Variants in CORO1B observed in about 807,000 individuals in gnomAD.
CORO1B encodes the protein coronin-1B.
In CORO1B, 30 loss-of-function variants were observed where a neutral mutation model predicts 51.1. The observed-to-expected ratio is 0.59, with a 90% CI of 0.44 to 0.80. The LOEUF is 0.80. Ranked by LOEUF, CORO1B falls within the 30% of genes least tolerant of loss-of-function variation. The pLI, the probability that CORO1B is intolerant of heterozygous loss-of-function variation, is 0.00. For synonymous variants in CORO1B, 310 were observed against 289.7 expected, an observed-to-expected ratio of 1.07 and a Z score of -0.71; for missense variants, 648 against 700.4, an observed-to-expected ratio of 0.93 and a Z score of 0.84.
chr11:67,442,116 G>A (rs745881144), intron 2 of CORO1B, 28 bp from the exon 3 acceptor site: 10 of 1,602,396 alleles, frequency 6.2e-6, no homozygotes, highest in Non-Finnish European at 8.5e-6. Flanking sequence ...CAGTCAGTGG[G>A]CTCCATCCCT....
chr11:67,439,993 G>C, intron 8 of CORO1B, 125 bp downstream of exon 8: 1 of 1,480,160 alleles, frequency 6.8e-7, no homozygotes, highest in Non-Finnish European at 9.1e-7. Context: ...GGGCTGCCTC[G>C]TGACAGTTCT....
Position 67,436,125 on chromosome 11 carries a change from G to GTAGTA in CORO1B, c.*2250_*2251insTACTA, listed in dbSNP as rs1864267815. The GTAGTA allele has an allele frequency of 3.1e-6, 5 of 1,593,280 alleles. No individual in the cohort carries two copies. The highest frequency in any genetic ancestry group is 4.3e-6 in the Non-Finnish European group (5 of 1,169,808). ...CTGGCCCAGAGCAGGCGCCGCGTGCGGCCCCACAGCGCGGCACCTAGGCGG... is the reference window on the plus strand; with the variant it reads ...CTGGCCCAGAGCAGGCGCCGCGTGCGTAGTAGCCCCACAGCGCGGCACCTAGGCGG... On this transcript the variant is annotated 3_prime_UTR_variant, in exon 11 of 11. Transcript: ENST00000341356.
chr11:67,443,592 G>A, upstream of CORO1B: 1 of 704,408 alleles, frequency 1.4e-6, no homozygotes, highest in Non-Finnish European at 1.7e-6. Flanking sequence ...GCGGCGCCGG[G>A]GGGCCGGGAG....
chr11:67,439,992 C>T (rs1315576206), intron 8 of CORO1B, 126 bp downstream of exon 8: 34 of 1,477,080 alleles, frequency 2.3e-5, no homozygotes, highest in Admixed American at 3.9e-5. Context: ...CGGGCTGCCT[C>T]GTGACAGTTC....
chr11:67,435,890 G>C lies in CORO1B; in HGVS notation c.*2486C>G. ...GGAGCCGAGGACCAGGTCGCCCTCC[G>C]TGTCACTGTCTCTGGCTTCCTCAGC... On this transcript the variant is annotated 3_prime_UTR_variant, in exon 11 of 11. Coordinates refer to ENST00000341356, the MANE Select transcript of CORO1B (RefSeq NM_020441.3). 1 of 1,612,112 alleles carries C rather than the reference G, an allele frequency of 6.2e-7. No homozygotes were observed. Among genetic ancestry groups the C allele is most frequent in the Non-Finnish European group, 8.5e-7 (1 of 1,179,596 alleles).
intron 8 of CORO1B, 40 bp from the exon 9 acceptor site, chr11:67,439,883 G>GCCCCCC: frequency 2.0e-6 from 3 of 1,509,418 alleles, no homozygotes; most frequent in Non-Finnish European, 1.8e-6. Context: ...AACCCTCACC[G>GCCCCCC]CCCCCCCCAC....
Position 67,437,698 on chromosome 11 carries a change from C to T in CORO1B, c.*678G>A. On this transcript the variant is annotated 3_prime_UTR_variant, in exon 11 of 11. Transcript: ENST00000341356. ...AGCGAGAAGTGAGCTCAGTGCTCGTCTGCAGTGAAGGGTGGCCCAGGCTTC... is the reference window on the plus strand; with the variant it reads ...AGCGAGAAGTGAGCTCAGTGCTCGTTTGCAGTGAAGGGTGGCCCAGGCTTC... 1 of 1,322,552 alleles carries T rather than the reference C, an allele frequency of 7.6e-7. No individual in the cohort carries two copies. The highest frequency in any genetic ancestry group is 3.0e-5 in the Admixed American group (1 of 32,860). The allele number at this position is 1,322,552 out of a possible 1,614,324, so 81.9% of individuals were successfully genotyped here. A position where few individuals can be genotyped will look rare whatever the true frequency, so the allele number is the denominator to read the frequency against.
rs900380958 is a variant in CORO1B at position 67,437,883 on chromosome 11, C to G, written c.*493G>C. On this transcript the variant is annotated 3_prime_UTR_variant, in exon 11 of 11. Transcript: ENST00000341356. ...AGCTGGATGCAGCCTTGCATGTGTT[C>G]TCAGGTCTTCTGCCTCAGTTTCCCT... 2.6e-6 allele frequency: 1 copy of G among 389,570 alleles called. No individual in the cohort carries two copies. Among genetic ancestry groups the G allele is most frequent in the Non-Finnish European group, 4.5e-6 (1 of 220,528 alleles). 24.1% of individuals were successfully genotyped at this position (389,570 alleles called of 1,614,324 possible). A position where few individuals can be genotyped will look rare whatever the true frequency, so the allele number is the denominator to read the frequency against.
chr11:67,436,384 G>T lies in CORO1B; in HGVS notation c.*1992C>A. The T allele has an allele frequency of 7.0e-7, 1 of 1,430,788 alleles. No homozygotes were observed. 88.6% of individuals were successfully genotyped at this position (1,430,788 alleles called of 1,614,324 possible). On this transcript the variant is annotated 3_prime_UTR_variant, in exon 11 of 11. Transcript: ENST00000341356. The stretch of plus-strand genomic sequence containing the variant: ...GACAGGCAGGGGCTCAGAGGGCTCA[G>T]CACCTGGGGTGGGGCCTGGTGTGGG...
chr11:67,443,698 G>T (rs1285313822), upstream of CORO1B: 3 of 981,500 alleles, frequency 3.1e-6, no homozygotes, highest in African/African-American at 5.2e-5. Context: ...GGCGGGGCGG[G>T]GCAGGGCCGA....
At chr11:67,440,910 A>C in intron 6 of CORO1B, 1 of 691,076 alleles carries the variant, frequency 1.4e-6, no homozygotes, top group Non-Finnish European at 2.5e-6. Context: ...AACATGGGCA[A>C]AGACACAGAG....
At chr11:67,440,059 T>C (rs1864364971) in intron 8 of CORO1B, 59 bp downstream of exon 8, 4 of 1,553,522 alleles carry the variant, frequency 2.6e-6, no homozygotes, top group African/African-American at 2.7e-5. Context: ...CAGCCTCCAA[T>C]GACCTGACCT....
At chr11:67,442,741 C>T in intron 1 of CORO1B, 111 bp from the exon 2 acceptor site, 2 of 1,070,400 alleles carry the variant, frequency 1.9e-6, no homozygotes, top group Non-Finnish European at 2.7e-6. Flanking sequence ...GCCACCGTAA[C>T]CCTCCTGGGT....
At position 67,437,353 on chromosome 11, in the gene CORO1B, C is replaced by G. The variant is rs370362190; in HGVS notation, c.*1023G>C. On this transcript the variant is annotated 3_prime_UTR_variant, in exon 11 of 11. Coordinates refer to ENST00000341356, the MANE Select transcript of CORO1B (RefSeq NM_020441.3). ...CGCCCAGGCTCCAGGAATGCAAGTT[C>G]CCGCTCACAGGAAGACCAGGTAAGG... The G allele has an allele frequency of 6.7e-5, 26 of 387,472 alleles. No individual in the cohort carries two copies. Among genetic ancestry groups the G allele is most frequent in the East Asian group, 5.2e-4 (14 of 26,866 alleles). The allele number at this position is 387,472 out of a possible 1,614,324, so 24.0% of individuals were successfully genotyped here. A position where few individuals can be genotyped will look rare whatever the true frequency, so the allele number is the denominator to read the frequency against.
intron 2 of CORO1B, 111 bp from the exon 3 acceptor site, chr11:67,442,199 T>A: frequency 6.5e-7 from 1 of 1,528,788 alleles, no homozygotes; most frequent in African/African-American, 1.4e-5. Flanking sequence ...GGCCCAGATG[T>A]GACTGTGCCC....
Position 67,436,099 on chromosome 11 carries a change from G to T in CORO1B, c.*2277C>A. 1 of 1,609,402 alleles carries T rather than the reference G, an allele frequency of 6.2e-7. No individual in the cohort carries two copies. Among genetic ancestry groups the T allele is most frequent in the Non-Finnish European group, 8.5e-7 (1 of 1,178,238 alleles). On this transcript the variant is annotated 3_prime_UTR_variant, in exon 11 of 11. Coordinates refer to ENST00000341356, the MANE Select transcript of CORO1B (RefSeq NM_020441.3). ...GGGCCTGCAGCCAGCGACCTGGGGG[G>T]CTGGCCCAGAGCAGGCGCCGCGTGC...
At chr11:67,439,070 A>C in intron 9 of CORO1B, 121 bp from the exon 10 acceptor site, 943 of 1,153,668 alleles carry the variant, frequency 8.2e-4, no homozygotes, top group Non-Finnish European at 1.0e-3. Context: ...TGGAAAGCTC[A>C]AATCTGGCCT....
rs1351682938 is a variant in CORO1B, at chr11:67,437,030, T to C, written c.*1346A>G. Reference sequence around the variant, plus strand: ...TCTCCCTGAGGCCTGGGATGGGGGATGGAGGGGCCTGGATGCACCCAGAGG... The same window carrying C: ...TCTCCCTGAGGCCTGGGATGGGGGACGGAGGGGCCTGGATGCACCCAGAGG... On this transcript the variant is annotated 3_prime_UTR_variant, in exon 11 of 11. Coordinates refer to ENST00000341356, the MANE Select transcript of CORO1B (RefSeq NM_020441.3). 1 of 152,152 alleles carries C rather than the reference T, an allele frequency of 6.6e-6. No individual in the cohort carries two copies. The highest frequency in any genetic ancestry group is 2.4e-5 in the African/African-American group (1 of 41,358). The allele number at this position is 152,152 out of a possible 1,614,324, so 9.4% of individuals were successfully genotyped here. A position where few individuals can be genotyped will look rare whatever the true frequency, so the allele number is the denominator to read the frequency against.
rs769820455 is a variant in CORO1B, at chr11:67,440,198, C to G, written c.927G>C (p.Thr309=). The G allele has an allele frequency of 9.3e-6, 15 of 1,613,886 alleles. No homozygotes were observed. The East Asian group carries it at 3.3e-4, about 36-fold the overall frequency. ...CCCGCTGCGGCTCCTTGCTGGTGAA[C>G]GTGTTCAGGAAGTGGATGTAGGGAG... The part of the protein sequence containing the change: ...EEPPYIHFLN[T]FTSKEPQRGM... Residue 309 remains threonine (T), a synonymous_variant, in exon 8 of 11, where the codon ACG becomes ACC. Transcript: ENST00000341356.
Sources: allele counts gnomAD v4.1 joint callset, GRCh38; gene constraint gnomAD v4.1.1; transcripts MANE v1.5; gene names NCBI Gene and HGNC (gene_info 2026-07-23, HGNC 2026-07-21).